MSI2: variants seen among roughly 807,000 people sequenced by gnomAD.
MSI2 encodes RNA-binding protein Musashi homolog 2.
A neutral mutation model predicts 45.6 loss-of-function variants in MSI2; 17 were observed. The ratio of observed to expected loss-of-function variants is 0.37; its 90% confidence interval spans 0.26 to 0.56. MSI2 has a LOEUF of 0.56. Among genes scored for constraint, MSI2 ranks in the 20% least tolerant of loss-of-function variants. The pLI is 0.77. For synonymous variants in MSI2, 156 were observed against 158.2 expected (o/e 0.99, Z 0.11); for missense variants, 293 against 444.2 (o/e 0.66, Z 3.06).
At chr17:57,499,337 C>A (rs60453737) in intron 6 of MSI2, among the ~76,000 whole-genome samples, 1 of 142,502 alleles carries the variant, frequency 7.0e-6, no homozygotes, top group South Asian at 2.2e-4. Flanking sequence ...GATTGTGCCA[C>A]GGCACTCCAG....
intron 5 of MSI2, among the ~76,000 whole-genome samples, chr17:57,361,538 C>T (rs769928988): frequency 2.7e-5 from 4 of 147,800 alleles, no homozygotes; most frequent in African/African-American, 5.0e-5. Flanking sequence ...ACCCAGGATG[C>T]AGAGGTTACA....
At chr17:57,678,854 A>G (rs2144762354) in intron 13 of MSI2, among the ~76,000 whole-genome samples, 1 of 152,338 alleles carries the variant, frequency 6.6e-6, no homozygotes, top group East Asian at 1.9e-4. Context: ...CTTAGGAAGG[A>G]CTGGTCAAAC....
At chr17:57,460,974 C>T (rs982889651) in intron 6 of MSI2, among the ~76,000 whole-genome samples, 1 of 152,184 alleles carries the variant, frequency 6.6e-6, no homozygotes, top group Non-Finnish European at 1.5e-5. Flanking sequence ...CAGAATCCCT[C>T]CTTGCAGAGG....
In MSI2 at chr17:57,335,671, T is replaced by C. The variant is rs1013491502; in HGVS notation, c.313-65708T>C. ...CTGAGATGTGTGTATAGTAGTCAAT[T>C]AGCGATAAGTGCTGTGACTGAATAA... On this transcript the variant is annotated intron_variant, in intron 5 of 13. Coordinates refer to ENST00000284073, the MANE Select transcript of MSI2 (RefSeq NM_138962.4). Among the ~76,000 whole-genome samples, 6 of 152,202 alleles carry C rather than the reference T, an allele frequency of 3.9e-5. 1 individual carries two copies. The highest frequency in any genetic ancestry group is 1.4e-4 in the African/African-American group (6 of 41,432).
intron 5 of MSI2, among the ~76,000 whole-genome samples, chr17:57,348,287 G>A (rs1915774062): frequency 6.6e-6 from 1 of 152,144 alleles, no homozygotes; most frequent in African/African-American, 2.4e-5. Context: ...GGATGCCTGG[G>A]TTGTCCCTTG....
At chr17:57,363,426 T>C (rs1567781262) in intron 5 of MSI2, among the ~76,000 whole-genome samples, 1 of 152,122 alleles carries the variant, frequency 6.6e-6, no homozygotes, top group South Asian at 2.1e-4. Context: ...TTTTATGTTA[T>C]GGATATTTTA....
In MSI2 at chr17:57,675,053, A is replaced by G; in HGVS notation, c.872A>G (p.Gln291Arg). 1 of 1,614,088 alleles carries G rather than the reference A, an allele frequency of 6.2e-7. No homozygotes were observed. Among genetic ancestry groups the G allele is most frequent in the Non-Finnish European group, 8.5e-7 (1 of 1,180,012 alleles). ...PVADLYGPAS[Q>R]DSGVGNYISA... ...GCCGATCTCTACGGCCCTGCCAGCC[A>G]GGACTCCGGAGTGGGGAATTACATA... Residue 291 changes from glutamine (Q) to arginine (R), a missense_variant, in exon 12 of 14, where the codon CAG becomes CGG. Physicochemically the swap from Gln to Arg is conservative, Grantham distance 43. Coordinates refer to ENST00000284073, the MANE Select transcript of MSI2 (RefSeq NM_138962.4).
chr17:57,615,724 A>C (rs780055815), intron 8 of MSI2, among the ~76,000 whole-genome samples: 1 of 152,212 alleles, frequency 6.6e-6, no homozygotes, highest in Non-Finnish European at 1.5e-5. Context: ...GTATATCTGC[A>C]GCTTACGTCC....
chr17:57,399,990 C>T lies in MSI2; in HGVS notation c.313-1389C>T, dbSNP rs148458059. On this transcript the variant is annotated intron_variant, in intron 5 of 13. Coordinates refer to ENST00000284073, the MANE Select transcript of MSI2 (RefSeq NM_138962.4). ...CCGGGAGCCTCTGTGATGACTGACC[C>T]GGGCAGCCATGGCTCCTATGCTTCA... 9.2e-5 allele frequency among the ~76,000 whole-genome samples: 14 copies of T among 152,272 alleles called. No individual in the cohort carries two copies. In the East Asian group the frequency reaches 2.7e-3, roughly 29 times the overall value.
chr17:57,376,951 C>G (rs544893306), intron 5 of MSI2, among the ~76,000 whole-genome samples: 3 of 142,110 alleles, frequency 2.1e-5, no homozygotes, highest in Non-Finnish European at 4.5e-5. Flanking sequence ...GACGGAGTCT[C>G]GCTCTGTCCC....
At chr17:57,517,649 T>G (rs1176932652) in intron 6 of MSI2, among the ~76,000 whole-genome samples, 1 of 152,198 alleles carries the variant, frequency 6.6e-6, no homozygotes, top group African/African-American at 2.4e-5. Flanking sequence ...CCTCTCTCCC[T>G]CGGTTACCAA....
At chr17:57,341,864 C>G (rs1915191866) in intron 5 of MSI2, among the ~76,000 whole-genome samples, 1 of 152,068 alleles carries the variant, frequency 6.6e-6, no homozygotes, top group African/African-American at 2.4e-5. Flanking sequence ...CAACTTTTCT[C>G]TCTCCTCTCC....
At chr17:57,546,742 G>A (rs560763232) in intron 7 of MSI2, among the ~76,000 whole-genome samples, 7 of 152,208 alleles carry the variant, frequency 4.6e-5, no homozygotes, top group Non-Finnish European at 7.3e-5. Flanking sequence ...GTAGCCTCCC[G>A]CTGTGGGGCA....
At position 57,672,157 on chromosome 17, in the gene MSI2, G is replaced by A. The variant is rs571178037; in HGVS notation, c.791-2815G>A. 3.1e-4 allele frequency among the ~76,000 whole-genome samples: 47 copies of A among 152,332 alleles called. No homozygotes were observed. In the South Asian group the frequency reaches 3.5e-3, roughly 11 times the overall value. ...CAAGGTGACTTTGAGCTGAGGCTCC[G>A]GCACCGTGATGAGCAAGTGCGTAAT... On this transcript the variant is annotated intron_variant, in intron 11 of 13. Coordinates refer to ENST00000284073, the MANE Select transcript of MSI2 (RefSeq NM_138962.4).
intron 8 of MSI2, among the ~76,000 whole-genome samples, chr17:57,597,801 C>G (rs1037436431): frequency 2.0e-5 from 3 of 152,218 alleles, no homozygotes; most frequent in Non-Finnish European, 4.4e-5. Context: ...GTTTACTGCA[C>G]CAAACTATTT....
chr17:57,582,296 G>A (rs920921120), intron 7 of MSI2, among the ~76,000 whole-genome samples: 4 of 151,884 alleles, frequency 2.6e-5, no homozygotes, highest in Non-Finnish European at 4.4e-5. Flanking sequence ...TTAGCATGCC[G>A]CCCCCCAATA....
At chr17:57,510,098 A>G (rs2143934399) in intron 6 of MSI2, among the ~76,000 whole-genome samples, 1 of 152,032 alleles carries the variant, frequency 6.6e-6, no homozygotes, top group Middle Eastern at 3.4e-3. Context: ...TGTTTGTCAC[A>G]CCACCGTTCT....
intron 6 of MSI2, among the ~76,000 whole-genome samples, chr17:57,412,370 T>A (rs1403449633): frequency 2.0e-5 from 3 of 152,144 alleles, no homozygotes; most frequent in Non-Finnish European, 4.4e-5. Context: ...TTAGAACAAA[T>A]ATTATGGCAC....
intron 7 of MSI2, among the ~76,000 whole-genome samples, chr17:57,545,995 C>T (rs1391122513): frequency 6.6e-6 from 1 of 152,162 alleles, no homozygotes; most frequent in African/African-American, 2.4e-5. Context: ...CACTTATCAT[C>T]CCGTCAGGGC....
Sources: allele counts gnomAD v4.1 joint callset (sites outside exome capture counted in the v4.1 genomes callset), GRCh38; gene constraint gnomAD v4.1.1; transcripts MANE v1.5; gene names NCBI Gene and HGNC (gene_info 2026-07-23, HGNC 2026-07-21).